Variants in MYO1D observed in about 807,000 individuals in gnomAD.
MYO1D encodes unconventional myosin-Id.
In MYO1D, 83 loss-of-function variants were observed where a neutral mutation model predicts 122.0. The observed-to-expected ratio is 0.68, with a 90% CI of 0.57 to 0.82. MYO1D has a LOEUF of 0.82. MYO1D is among the 40% of genes least tolerant of loss of function. The probability of loss-of-function intolerance (pLI) is 0.00; values close to 1 mark genes in which losing one functional copy is unlikely to be tolerated. For missense variants in MYO1D, 1,157 were observed against 1,269.5 expected, an observed-to-expected ratio of 0.91 and a Z score of 1.35; for synonymous variants, 464 against 446.9, an observed-to-expected ratio of 1.04 and a Z score of -0.48.
chr17:32,826,923 A>G (rs970503448), intron 1 of MYO1D, among the ~76,000 whole-genome samples: 1 of 152,230 alleles, frequency 6.6e-6, no homozygotes, highest in Non-Finnish European at 1.5e-5. Flanking sequence ...TGTAAAATAT[A>G]AAACATGGGA....
chr17:32,653,141 CAAA>C (rs565131074), intron 19 of MYO1D, among the ~76,000 whole-genome samples: 1 of 111,046 alleles, frequency 9.0e-6, no homozygotes. Context: ...GACTCCGTCT[CAAA>C]AAAAAAAAAT....
intron 1 of MYO1D, among the ~76,000 whole-genome samples, chr17:32,797,589 T>C (rs1284358008): frequency 6.6e-6 from 1 of 152,222 alleles, no homozygotes; most frequent in African/African-American, 2.4e-5. Context: ...TCTCTTACTG[T>C]GCCTAAATTA....
chr17:32,557,685 C>G (rs72813084), intron 21 of MYO1D, among the ~76,000 whole-genome samples: 3,313 of 151,206 alleles, frequency 0.022, 59 homozygotes, highest in Middle Eastern at 0.056. Flanking sequence ...GTATTTTTTG[C>G]AGAGATGGGG....
intron 14 of MYO1D, among the ~76,000 whole-genome samples, 186 bp from the exon 15 acceptor site, chr17:32,721,375 C>T (rs946828721): frequency 2.6e-5 from 4 of 152,250 alleles, no homozygotes; most frequent in African/African-American, 9.6e-5. Context: ...AGTTCTCATG[C>T]ATTCAGCCAA....
intron 21 of MYO1D, among the ~76,000 whole-genome samples, chr17:32,566,215 G>C (rs400908): frequency 0.44 from 66,271 of 151,806 alleles, 14,714 homozygotes; most frequent in East Asian, 0.56. Flanking sequence ...TATACGAAAA[G>C]GAAGTACAAC....
chr17:32,537,686 CAT>C (rs1910703882), intron 21 of MYO1D, among the ~76,000 whole-genome samples: 1 of 152,078 alleles, frequency 6.6e-6, no homozygotes. Flanking sequence ...CATAGCGGTC[CAT>C]AGAGAGAGAA....
At chr17:32,717,689 C>T (rs564853184) in intron 15 of MYO1D, among the ~76,000 whole-genome samples, 2 of 152,304 alleles carry the variant, frequency 1.3e-5, no homozygotes, top group Admixed American at 6.5e-5. Context: ...TTTGCTCCTT[C>T]GTCTACTTGA....
At chr17:32,521,659 A>C (rs1215238448) in intron 21 of MYO1D, among the ~76,000 whole-genome samples, 1 of 152,204 alleles carries the variant, frequency 6.6e-6, no homozygotes, top group East Asian at 1.9e-4. Flanking sequence ...TTAAATAAAT[A>C]AATCTCAGGG....
chr17:32,726,136 G>A (rs1461636316), intron 14 of MYO1D, among the ~76,000 whole-genome samples: 1 of 152,116 alleles, frequency 6.6e-6, no homozygotes, highest in Non-Finnish European at 1.5e-5. Context: ...AACAATATAG[G>A]GGTTGGGTGC....
At chr17:32,873,336 C>T (rs1322867175) in intron 1 of MYO1D, among the ~76,000 whole-genome samples, 1 of 152,044 alleles carries the variant, frequency 6.6e-6, no homozygotes, top group Admixed American at 6.6e-5. Flanking sequence ...TGCAGAAGAG[C>T]CAGGTGGGAA....
rs77622806 is a variant in MYO1D, at chr17:32,708,702, T to C, written c.2121+3286A>G. ...CATAAGATACCCTGGAATGGTCTTC[T>C]TGAGCATAGGGAAGGAGACCCTTAT... On this transcript the variant is annotated intron_variant, in intron 16 of 21. Transcript: ENST00000318217. Among the ~76,000 whole-genome samples the C allele has an allele frequency of 8.1e-3, 1,238 of 152,300 alleles. 13 individuals carry two copies. Among genetic ancestry groups the C allele is most frequent in the Non-Finnish European group, 0.011 (728 of 68,020 alleles).
chr17:32,874,051 C>T (rs1214924209), intron 1 of MYO1D, among the ~76,000 whole-genome samples: 1 of 152,190 alleles, frequency 6.6e-6, no homozygotes, highest in African/African-American at 2.4e-5. Flanking sequence ...CTGGAATGCT[C>T]TCCAGCCACG....
chr17:32,775,058 T>C (rs1444473699), intron 4 of MYO1D, among the ~76,000 whole-genome samples: 1 of 152,146 alleles, frequency 6.6e-6, no homozygotes, highest in Non-Finnish European at 1.5e-5. Flanking sequence ...CCCAGCACTT[T>C]GGGAGACTGA....
Position 32,519,905 on chromosome 17 carries a change from A to ATTTTTT in MYO1D, c.2865-24991_2865-24990insAAAAAA, listed in dbSNP as rs1483731313. Among the ~76,000 whole-genome samples the ATTTTTT allele has an allele frequency of 4.3e-4, 51 of 118,688 alleles. 1 individual carries two copies. The highest frequency in any genetic ancestry group is 2.6e-3 in the East Asian group (6 of 2,300). 77.9% of individuals were successfully genotyped at this position (118,688 alleles called of 152,430 possible). A position where few individuals can be genotyped will look rare whatever the true frequency, so the allele number is the denominator to read the frequency against. On this transcript the variant is annotated intron_variant, in intron 21 of 21. Coordinates refer to ENST00000318217, the MANE Select transcript of MYO1D (RefSeq NM_015194.3). ...AAACAGCAGGCTTTTTTTTTTTAAA[A>ATTTTTT]AAAAAAACCAGGGCGATGTCTTAGC...
chr17:32,656,780 G>A (rs1417747284), intron 17 of MYO1D, among the ~76,000 whole-genome samples: 1 of 152,214 alleles, frequency 6.6e-6, no homozygotes, highest in Non-Finnish European at 1.5e-5. Context: ...TGACAGGTGG[G>A]TCTTACAATA....
intron 1 of MYO1D, among the ~76,000 whole-genome samples, chr17:32,813,418 C>A (rs767687268): frequency 6.6e-6 from 1 of 151,996 alleles, no homozygotes; most frequent in Non-Finnish European, 1.5e-5. Context: ...CCTCAAGGAC[C>A]GAGAAGGTGA....
intron 14 of MYO1D, among the ~76,000 whole-genome samples, chr17:32,728,625 A>G (rs1358663644): frequency 6.6e-6 from 1 of 152,220 alleles, no homozygotes; most frequent in Non-Finnish European, 1.5e-5. Flanking sequence ...AGAAATCAAG[A>G]GCAAAAAGAT....
rs773238954 is a variant in MYO1D at position 32,780,774 on chromosome 17, C to T, written c.106G>A (p.Gly36Arg). Residue 36 changes from glycine to arginine, a missense_variant, in exon 2 of 22, where the codon GGG (glycine) becomes AGG (arginine). Coordinates refer to ENST00000318217, the MANE Select transcript of MYO1D (RefSeq NM_015194.3). ...TCTCCAATGAACGTATAGATGCGCC[C>T]TTTTTCAAATCTGTACAGAAGCAAA... ...MANLRLRFEK[G>R]RIYTFIGEVV... The T allele has an allele frequency of 6.2e-7, 1 of 1,614,096 alleles. No individual in the cohort carries two copies. The highest frequency in any genetic ancestry group is 1.7e-5 in the Admixed American group (1 of 60,030).
At position 32,712,155 on chromosome 17, in the gene MYO1D, G is replaced by A; in HGVS notation, c.1954C>T (p.Leu652Phe). Residue 652 changes from leucine (L) to phenylalanine (F), a missense_variant, in exon 16 of 22, where the codon CTT (leucine) becomes TTT (phenylalanine). Coordinates refer to ENST00000318217, the MANE Select transcript of MYO1D (RefSeq NM_015194.3). ...ISEFTWPNHD[L>F]PSDKEAVKKL... ...TTGACAGCCTCTTTGTCTGAAGGAA[G>A]GTCATGGTTGGGCCAGGTGAATTCA... The A allele has an allele frequency of 6.2e-7, 1 of 1,613,944 alleles. No homozygotes were observed. Among genetic ancestry groups the A allele is most frequent in the Non-Finnish European group, 8.5e-7 (1 of 1,179,954 alleles).
Sources: allele counts gnomAD v4.1 joint callset (sites outside exome capture counted in the v4.1 genomes callset), GRCh38; gene constraint gnomAD v4.1.1; transcripts MANE v1.5; gene names NCBI Gene and HGNC (gene_info 2026-07-23, HGNC 2026-07-21).